Variants in ASXL2 observed in about 807,000 individuals in gnomAD.
ASXL2 encodes the protein ASXL transcriptional regulator 2, also known as putative Polycomb group protein ASXL2.
A neutral mutation model predicts 122.0 loss-of-function variants in ASXL2; 23 were observed. That is an observed-to-expected ratio of 0.19 (90% CI 0.14 to 0.27). The LOEUF (loss-of-function observed/expected upper bound fraction) is 0.27, where lower values mean the gene tolerates loss of function less well. Among genes scored for constraint, ASXL2 ranks in the 10% least tolerant of loss-of-function variants. The probability of loss-of-function intolerance (pLI) is 1.00; values close to 1 mark genes in which losing one functional copy is unlikely to be tolerated. For missense variants in ASXL2, 1,518 were observed against 1,713.8 expected, an observed-to-expected ratio of 0.89 and a Z score of 2.02; for synonymous variants, 650 against 637.0, an observed-to-expected ratio of 1.02 and a Z score of -0.31.
At position 25,743,320 on chromosome 2, in the gene ASXL2, T is replaced by C. The variant is rs535141101; in HGVS notation, c.3017A>G (p.Glu1006Gly). 1.7e-5 allele frequency: 28 copies of C among 1,613,968 alleles called. No homozygotes were observed. Among genetic ancestry groups the C allele is most frequent in the Non-Finnish European group, 2.4e-5 (28 of 1,179,880 alleles). The change falls in exon 13 of 13, where the codon GAA becomes GGA. Residue 1006 changes from glutamate to glycine, a missense_variant. Glu to Gly is a moderately conservative substitution (Grantham distance 98). Coordinates refer to ENST00000435504, the MANE Select transcript of ASXL2 (RefSeq NM_018263.6). ...TNTTENSTRE[E>G]VNERQSHPAT... ...TGGATGGGACTGTCTCTCATTAACT[T>C]CCTCTCTGGTGCTATTTTCTGTTGT...
intron 10 of ASXL2, among the ~76,000 whole-genome samples, chr2:25,754,487 G>A (rs1076000): frequency 0.28 from 42,180 of 151,968 alleles, 6,165 homozygotes; most frequent in African/African-American, 0.32. Flanking sequence ...CACAGTCGTG[G>A]GCAAAGGATT....
At chr2:25,810,957 T>C (rs2089159962) in intron 3 of ASXL2, among the ~76,000 whole-genome samples, 1 of 152,116 alleles carries the variant, frequency 6.6e-6, no homozygotes, top group African/African-American at 2.4e-5. Context: ...CTGGGCACTG[T>C]GGCTCATGCC....
intron 12 of ASXL2, 108 bp downstream of exon 12, chr2:25,749,588 C>T (rs1411852528): frequency 1.2e-6 from 1 of 833,968 alleles, no homozygotes; most frequent in Non-Finnish European, 1.8e-6. Flanking sequence ...ATATATCCAA[C>T]TGCTTCTGCA....
intron 1 of ASXL2, among the ~76,000 whole-genome samples, chr2:25,874,857 A>T (rs771471207): frequency 6.6e-6 from 1 of 152,102 alleles, no homozygotes; most frequent in Non-Finnish European, 1.5e-5. Flanking sequence ...AGGCAGGAGG[A>T]TCACTTGAGC....
chr2:25,819,642 C>A (rs2089282719), intron 3 of ASXL2, among the ~76,000 whole-genome samples: 2 of 152,030 alleles, frequency 1.3e-5, no homozygotes, highest in South Asian at 4.1e-4. Flanking sequence ...AGCTGGCCTG[C>A]ACTAAAAAAA....
intron 1 of ASXL2, among the ~76,000 whole-genome samples, chr2:25,847,199 T>C (rs994937451): frequency 1.3e-5 from 2 of 152,232 alleles, no homozygotes; most frequent in Non-Finnish European, 2.9e-5. Flanking sequence ...TGTTTGTAAC[T>C]ACTTTCTCAT....
intron 1 of ASXL2, among the ~76,000 whole-genome samples, chr2:25,877,856 T>A (rs571073124): frequency 6.6e-6 from 1 of 152,180 alleles, no homozygotes; most frequent in East Asian, 1.9e-4. Flanking sequence ...CACCACAGAC[T>A]TCCCCGTGCC....
chr2:25,811,281 A>G (rs1375984774), intron 3 of ASXL2, among the ~76,000 whole-genome samples: 6 of 151,834 alleles, frequency 4.0e-5, no homozygotes, highest in Non-Finnish European at 8.8e-5. Context: ...TAAATAAATA[A>G]CAAAAGAAAA....
In ASXL2 at chr2:25,753,384, G is replaced by C. The variant is rs2088079342; in HGVS notation, c.1142+150C>G. 1.1e-5 allele frequency: 6 copies of C among 521,878 alleles called. No individual in the cohort carries two copies. In the South Asian group the frequency reaches 2.2e-4, roughly 19 times the overall value. 32.3% of individuals were successfully genotyped at this position (521,878 alleles called of 1,614,324 possible). A position where few individuals can be genotyped will look rare whatever the true frequency, so the allele number is the denominator to read the frequency against. ...AATAAGAAAAAAACTTCTTCCTAAAGAAGAATCAGTGAGACAAAAAAAAAA... is the reference window on the plus strand; with the variant it reads ...AATAAGAAAAAAACTTCTTCCTAAACAAGAATCAGTGAGACAAAAAAAAAA... On this transcript the variant is annotated intron_variant, in intron 11 of 12. Transcript: ENST00000435504.
intron 3 of ASXL2, among the ~76,000 whole-genome samples, chr2:25,813,295 T>C (rs886351260): frequency 3.3e-5 from 5 of 152,142 alleles, no homozygotes; most frequent in African/African-American, 1.2e-4. Flanking sequence ...CAGTCCCTGA[T>C]CTAAAACACT....
At chr2:25,756,465 G>GAAAAAAAAAAAAAAAAAAA (rs71399321) in intron 9 of ASXL2, among the ~76,000 whole-genome samples, 2 of 91,420 alleles carry the variant, frequency 2.2e-5, no homozygotes, top group Non-Finnish European at 4.5e-5. Flanking sequence ...AAAAAAAAAA[G>GAAAAAAAAAAAAAAAAAAA]AAAAAAAAAA....
intron 9 of ASXL2, 124 bp downstream of exon 9, chr2:25,759,358 A>AAAAACC (rs2088197919): frequency 9.2e-7 from 1 of 1,091,492 alleles, no homozygotes; most frequent in African/African-American, 1.6e-5. Context: ...TAAGCCTTAA[A>AAAAACC]AAAACCTGCC....
Position 25,744,228 on chromosome 2 carries a change from C to T in ASXL2, c.2109G>A (p.Glu703=). The T allele has an allele frequency of 6.2e-7, 1 of 1,614,042 alleles. No individual in the cohort carries two copies. The highest frequency in any genetic ancestry group is 8.5e-7 in the Non-Finnish European group (1 of 1,179,886). ...CTCTAGCAGTCTGCCCTTCACCACC[C>T]TCTCCTGGACCTTGTCCACCCCCTG... ...PGPGGGQGPG[E]GGEGQTARGG... Residue 703 remains glutamate (E), a synonymous_variant, in exon 13 of 13, where the codon GAG becomes GAA. Coordinates refer to ENST00000435504, the MANE Select transcript of ASXL2 (RefSeq NM_018263.6). The surrounding 1 kb of genome is among the most constrained non-coding windows in gnomAD (Gnocchi z 4.7).
chr2:25,798,794 G>A (rs2088949545), intron 5 of ASXL2, among the ~76,000 whole-genome samples: 1 of 152,178 alleles, frequency 6.6e-6, no homozygotes, highest in Admixed American at 6.6e-5. Context: ...TCAGGGGTTA[G>A]GAGGCAGGAA....
chr2:25,836,527 T>C (rs2089513736), intron 2 of ASXL2, among the ~76,000 whole-genome samples: 1 of 152,228 alleles, frequency 6.6e-6, no homozygotes, highest in African/African-American at 2.4e-5. Flanking sequence ...TAGTATAAAG[T>C]AAGCTAAAAC....
At chr2:25,838,231 G>A (rs1032538934) in intron 2 of ASXL2, among the ~76,000 whole-genome samples, 2 of 152,176 alleles carry the variant, frequency 1.3e-5, no homozygotes. Flanking sequence ...CCAGCAGAGG[G>A]CTTTTCAGCT....
At chr2:25,844,530 C>A (rs997298103) in intron 2 of ASXL2, among the ~76,000 whole-genome samples, 2 of 150,904 alleles carry the variant, frequency 1.3e-5, no homozygotes, top group Non-Finnish European at 2.9e-5. Flanking sequence ...GAGCCAAGAT[C>A]GTGCCACTGC....
rs186540193 is a variant in ASXL2, at chr2:25,739,038, T to C, written c.*2991A>G. The C allele has an allele frequency of 2.0e-5, 3 of 152,324 alleles. No homozygotes were observed. The highest frequency in any genetic ancestry group is 2.1e-4 in the South Asian group (1 of 4,830). The allele number at this position is 152,324 out of a possible 1,614,324, so 9.4% of individuals were successfully genotyped here. ...TTAAGATTCAGGGAGACTTATTTAC[T>C]AGACAACTTAGAATCTTTATAAACA... On this transcript the variant is annotated 3_prime_UTR_variant, in exon 13 of 13. Transcript: ENST00000435504.
In ASXL2 at chr2:25,742,444, G is replaced by A; in HGVS notation, c.3893C>T (p.Ala1298Val). The A allele has an allele frequency of 6.2e-7, 1 of 1,611,356 alleles. No homozygotes were observed. The highest frequency in any genetic ancestry group is 8.5e-7 in the Non-Finnish European group (1 of 1,178,662). The change falls in exon 13 of 13, where the codon GCA (alanine) becomes GTA (valine). Residue 1298 changes from alanine (A) to valine (V), a missense_variant. By Grantham distance (64) the Ala-to-Val change is moderately conservative. Transcript: ENST00000435504. Reference sequence around the variant, plus strand: ...TAGGGGCTGGTGGGTGGGGCTGTCTGCAGGCAGAGGAAGAACAGTAGAACT... The same window carrying A: ...TAGGGGCTGGTGGGTGGGGCTGTCTACAGGCAGAGGAAGAACAGTAGAACT... ...LFSSTVLPLP[A>V]DSPTHQPLLL...
Sources: allele counts gnomAD v4.1 joint callset (sites outside exome capture counted in the v4.1 genomes callset), GRCh38; gene constraint gnomAD v4.1.1; non-coding constraint Gnocchi (gnomAD v3.1); transcripts MANE v1.5; gene names NCBI Gene and HGNC (gene_info 2026-07-23, HGNC 2026-07-21).